Variants in RGS6 observed in about 807,000 individuals in gnomAD.
RGS6 encodes the protein regulator of G protein signaling 6, also known as regulator of G-protein signaling 6.
Under a neutral mutation model 78.5 loss-of-function variants are expected in RGS6, and 30 were observed. That is an observed-to-expected ratio of 0.38 (90% CI 0.29 to 0.52). The LOEUF is 0.52. Ranked by LOEUF, RGS6 falls within the 20% of genes least tolerant of loss-of-function variation. RGS6 has a pLI of 0.85. For synonymous variants in RGS6, 206 were observed against 206.0 expected (o/e 1.00, Z 0.00); for missense variants, 495 against 609.7 (o/e 0.81, Z 1.98).
intron 2 of RGS6, among the ~76,000 whole-genome samples, chr14:72,110,323 A>C (rs191121636): frequency 5.0e-4 from 76 of 152,328 alleles, no homozygotes; most frequent in Non-Finnish European, 9.0e-4. Context: ...GGAAACAGAC[A>C]CTTTCTTCTT....
At chr14:72,307,198 A>G (rs1595597848) in intron 2 of RGS6, among the ~76,000 whole-genome samples, 1 of 152,220 alleles carries the variant, frequency 6.6e-6, no homozygotes, top group Non-Finnish European at 1.5e-5. Context: ...AAAATAAGGT[A>G]TATACATTGT....
the RGS6 span, among the ~76,000 whole-genome samples, chr14:72,592,815 C>T: frequency 9.1e-4 from 139 of 152,282 alleles, no homozygotes; most frequent in African/African-American, 3.2e-3. Flanking sequence ...GATAAGTTGC[C>T]TGGCTGCTCC....
intron 2 of RGS6, among the ~76,000 whole-genome samples, chr14:72,332,083 A>G (rs1198302356): frequency 6.6e-6 from 1 of 152,288 alleles, no homozygotes; most frequent in East Asian, 1.9e-4. Flanking sequence ...CTGGCTAGAC[A>G]CTGTTGAGCC....
At chr14:72,373,829 T>TC (rs1007911203) in intron 3 of RGS6, among the ~76,000 whole-genome samples, 1 of 152,004 alleles carries the variant, frequency 6.6e-6, no homozygotes, top group Non-Finnish European at 1.5e-5. Flanking sequence ...TCTTTTTTTT[T>TC]CCCCCACTCA....
the RGS6 span, among the ~76,000 whole-genome samples, chr14:71,889,485 G>T: frequency 1.3e-5 from 2 of 152,112 alleles, no homozygotes; most frequent in Non-Finnish European, 2.9e-5. Context: ...CACAGAATGG[G>T]AAACTGGAGG....
At chr14:72,168,737 A>C (rs1393235427) in intron 2 of RGS6, among the ~76,000 whole-genome samples, 1 of 152,180 alleles carries the variant, frequency 6.6e-6, no homozygotes, top group East Asian at 1.9e-4. Flanking sequence ...GCTGCTCTAG[A>C]AGGGAGAAGT....
chr14:72,155,052 G>A (rs113340261), intron 2 of RGS6, among the ~76,000 whole-genome samples: 1,641 of 152,348 alleles, frequency 0.011, 28 homozygotes, highest in African/African-American at 0.038. Flanking sequence ...CACCCTGCAT[G>A]CCTCATTGCT....
intron 2 of RGS6, among the ~76,000 whole-genome samples, chr14:72,140,219 T>C (rs111537187): frequency 2.0e-4 from 30 of 150,278 alleles, no homozygotes; most frequent in African/African-American, 6.8e-4. Flanking sequence ...AAAAACAAAA[T>C]CAGATTTATA....
chr14:72,044,987 G>A (rs1283519245), intron 2 of RGS6, among the ~76,000 whole-genome samples: 2 of 152,224 alleles, frequency 1.3e-5, no homozygotes, highest in Admixed American at 6.5e-5. Context: ...TTCAGCCTTG[G>A]ACTGAGAGTT....
At chr14:72,571,521 C>G (rs568722256), downstream of RGS6, among the ~76,000 whole-genome samples, 1 of 152,142 alleles carries the variant, frequency 6.6e-6, no homozygotes, top group Admixed American at 6.5e-5. Flanking sequence ...TAAACCCATG[C>G]GTTTATAGCC....
chr14:72,222,153 GA>G (rs2047021258), intron 2 of RGS6, among the ~76,000 whole-genome samples: 1 of 152,204 alleles, frequency 6.6e-6, no homozygotes, highest in Non-Finnish European at 1.5e-5. Flanking sequence ...ACGATTTTAT[GA>G]ATCAGCATCT....
intron 2 of RGS6, among the ~76,000 whole-genome samples, chr14:72,008,308 C>T (rs1448390167): frequency 6.6e-6 from 1 of 152,118 alleles, no homozygotes; most frequent in African/African-American, 2.4e-5. Flanking sequence ...TGTTGTATGT[C>T]AGAGACTACA....
intron 2 of RGS6, among the ~76,000 whole-genome samples, chr14:72,195,735 A>G (rs918590821): frequency 6.6e-6 from 1 of 152,198 alleles, no homozygotes; most frequent in Non-Finnish European, 1.5e-5. Context: ...CCCTGTTGTT[A>G]GCTATTTGAC....
At chr14:72,444,809 A>G (rs2095319105) in intron 3 of RGS6, among the ~76,000 whole-genome samples, 1 of 152,296 alleles carries the variant, frequency 6.6e-6, no homozygotes, top group African/African-American at 2.4e-5. Context: ...ATATGGCAGG[A>G]TGCTTGAGGG....
chr14:71,982,444 T>C (rs1227046914), intron 2 of RGS6, among the ~76,000 whole-genome samples: 1 of 152,230 alleles, frequency 6.6e-6, no homozygotes, highest in Non-Finnish European at 1.5e-5. Context: ...TCAGTCAAAA[T>C]AGGAATGGAT....
chr14:72,191,430 A>C (rs190928471), intron 2 of RGS6, among the ~76,000 whole-genome samples: 11 of 152,326 alleles, frequency 7.2e-5, no homozygotes, highest in African/African-American at 2.6e-4. Flanking sequence ...CTGCTAATAA[A>C]GACATACCCC....
intron 3 of RGS6, among the ~76,000 whole-genome samples, chr14:72,354,415 C>T (rs2079799785): frequency 6.8e-6 from 1 of 147,818 alleles, no homozygotes; most frequent in Non-Finnish European, 1.5e-5. Context: ...CACCTGAGGT[C>T]AGGAGTTTGA....
chr14:72,106,395 T>A (rs1044388895), intron 2 of RGS6, among the ~76,000 whole-genome samples: 2 of 152,170 alleles, frequency 1.3e-5, no homozygotes, highest in Non-Finnish European at 2.9e-5. Flanking sequence ...GGGTGTTTAT[T>A]TTAACAGGCT....
In RGS6 at chr14:72,306,085, A is replaced by G. The variant is rs571426373; in HGVS notation, c.85-46010A>G. On this transcript the variant is annotated intron_variant, in intron 2 of 17. Coordinates refer to ENST00000553525, the MANE Select transcript of RGS6 (RefSeq NM_001204424.2). ...GGGGATAGTGCAGCTGGTGAAGCCA[A>G]TGCTCATTTACCATTCCAAAAATCA... Among the ~76,000 whole-genome samples the G allele has an allele frequency of 5.9e-5, 9 of 152,314 alleles. No individual in the cohort carries two copies. The South Asian group carries it at 8.3e-4, about 14-fold the overall frequency.
Sources: allele counts gnomAD v4.1 joint callset (sites outside exome capture counted in the v4.1 genomes callset), GRCh38; gene constraint gnomAD v4.1.1; transcripts MANE v1.5; gene names NCBI Gene and HGNC (gene_info 2026-07-23, HGNC 2026-07-21).